The following HACL2 variants were observed in gnomAD, a reference collection of about 807,000 sequenced individuals.
HACL2 encodes the protein 2-hydroxyacyl-CoA lyase 2.
the HACL2 span, chr19:15,125,234 TC>T: frequency 1.4e-6 from 1 of 698,088 alleles, no homozygotes; most frequent in South Asian, 1.9e-5. Context: ...GCGCCTAGGC[TC>T]GGGGTGAAGC....
chr19:15,118,427 CTCTG>C, the HACL2 span, among the ~76,000 whole-genome samples: 3 of 152,110 alleles, frequency 2.0e-5, no homozygotes, highest in East Asian at 1.9e-4. Context: ...GGAATGTGCT[CTCTG>C]TCTAAGAAGT....
the HACL2 span, among the ~76,000 whole-genome samples, chr19:15,120,775 A>G: frequency 2.0e-5 from 3 of 152,226 alleles, no homozygotes; most frequent in Admixed American, 2.0e-4. Context: ...ACAGCACAGA[A>G]GCAGCCCAGG....
At chr19:15,125,243 A>C in the HACL2 span, 1 of 651,818 alleles carries the variant, frequency 1.5e-6, no homozygotes, top group Non-Finnish European at 2.6e-6. Flanking sequence ...CTCGGGGTGA[A>C]GCCATGCCTC....
chr19:15,119,186 G>A, the HACL2 span: 93 of 1,580,190 alleles, frequency 5.9e-5, no homozygotes, highest in East Asian at 2.5e-4. Flanking sequence ...AATGACATCC[G>A]CCTTCTTCAG....
chr19:15,122,952 C>T, the HACL2 span: 1 of 1,604,648 alleles, frequency 6.2e-7, no homozygotes, highest in South Asian at 1.1e-5. This position sits in a 1 kb window ranked among gnomAD's most constrained non-coding sequence, Gnocchi z 4.0. Context: ...ATGTCCCGCA[C>T]CCTCCGCACA....
chr19:15,120,304 C>T, the HACL2 span, among the ~76,000 whole-genome samples: 3 of 152,112 alleles, frequency 2.0e-5, no homozygotes, highest in Non-Finnish European at 2.9e-5. Context: ...TCCACGTAGC[C>T]CCCCAGAAGC....
At chr19:15,124,957 G>T in the HACL2 span, 1 of 1,608,028 alleles carries the variant, frequency 6.2e-7, no homozygotes, top group Non-Finnish European at 8.5e-7. Flanking sequence ...AGCCCCAGGC[G>T]GTGAGCGGCG....
chr19:15,122,895 G>C, the HACL2 span: 1 of 1,610,932 alleles, frequency 6.2e-7, no homozygotes, highest in Non-Finnish European at 8.5e-7. This position sits in a 1 kb window ranked among gnomAD's most constrained non-coding sequence, Gnocchi z 4.0. Flanking sequence ...CACCTACCTG[G>C]GGTGCCCGAC....
chr19:15,124,793 CCT>C, the HACL2 span: 1 of 1,236,868 alleles, frequency 8.1e-7, no homozygotes, highest in East Asian at 2.6e-5. Flanking sequence ...CTGGACAGAA[CCT>C]CTTACCAGTC....
the HACL2 span, chr19:15,115,933 G>A: frequency 6.2e-7 from 1 of 1,614,122 alleles, no homozygotes; most frequent in Non-Finnish European, 8.5e-7. Context: ...TAGTCGGGAG[G>A]GGACCCAGGA....
the HACL2 span, chr19:15,123,219 G>A: frequency 3.1e-6 from 5 of 1,613,818 alleles, no homozygotes; most frequent in Non-Finnish European, 4.2e-6. This position sits in a 1 kb window ranked among gnomAD's most constrained non-coding sequence, Gnocchi z 5.1. Flanking sequence ...AGGGCCTGCT[G>A]TCACTGCCGC....
At chr19:15,117,764 C>A in the HACL2 span, 1 of 1,160,594 alleles carries the variant, frequency 8.6e-7, no homozygotes, top group Non-Finnish European at 1.3e-6. Context: ...ACTGGCTACC[C>A]CTAGGGCAAG....
At chr19:15,119,516 C>A in the HACL2 span, 1 of 1,612,970 alleles carries the variant, frequency 6.2e-7, no homozygotes, top group South Asian at 1.1e-5. Flanking sequence ...AGCGCTGAAC[C>A]TGGAGCGAGA....
At chr19:15,115,656 A>T in the HACL2 span, 1 of 1,613,776 alleles carries the variant, frequency 6.2e-7, no homozygotes, top group Non-Finnish European at 8.5e-7. Context: ...TTCCCTACCA[A>T]GGCCATCACT....
At chr19:15,120,077 A>C in the HACL2 span, 1 of 1,545,550 alleles carries the variant, frequency 6.5e-7, no homozygotes. Flanking sequence ...TAATTCTCTA[A>C]ATACCTGCAA....
At chr19:15,125,040 G>A in the HACL2 span, 3 of 1,557,682 alleles carry the variant, frequency 1.9e-6, no homozygotes, top group South Asian at 1.2e-5. Context: ...AGCGGGGGCG[G>A]CGGCCGCGGG....
chr19:15,122,864 C>T, the HACL2 span: 1 of 1,612,854 alleles, frequency 6.2e-7, no homozygotes, highest in Non-Finnish European at 8.5e-7. The surrounding 1 kb of genome is among the most constrained non-coding windows in gnomAD (Gnocchi z 4.0). Context: ...GGCCCCAGCA[C>T]TGCTCAGCAT....
the HACL2 span, chr19:15,123,497 G>A: frequency 3.2e-5 from 52 of 1,614,162 alleles, no homozygotes; most frequent in Non-Finnish European, 4.1e-5. The surrounding 1 kb of genome is among the most constrained non-coding windows in gnomAD (Gnocchi z 5.1). Context: ...ACCGACCAGC[G>A]TGAAGATGAA....
chr19:15,122,704 T>C, the HACL2 span: 2 of 1,614,080 alleles, frequency 1.2e-6, no homozygotes, highest in South Asian at 2.2e-5. This position sits in a 1 kb window ranked among gnomAD's most constrained non-coding sequence, Gnocchi z 4.0. Flanking sequence ...AGGAGACCAC[T>C]CGGCCCACGA....
Sources: allele counts gnomAD v4.1 joint callset (sites outside exome capture counted in the v4.1 genomes callset), GRCh38; gene constraint gnomAD v4.1.1; non-coding constraint Gnocchi (gnomAD v3.1); transcripts MANE v1.5; gene names NCBI Gene and HGNC (gene_info 2026-07-23, HGNC 2026-07-21).